SEMA5B: variants seen among roughly 807,000 people sequenced by gnomAD.
SEMA5B encodes semaphorin-5B.
In SEMA5B, 66 loss-of-function variants were observed where a neutral mutation model predicts 135.0. The ratio of observed to expected loss-of-function variants is 0.49; its 90% CI spans 0.40 to 0.60. SEMA5B has a LOEUF of 0.60. SEMA5B is among the 20% of genes least tolerant of loss of function. SEMA5B has a pLI of 0.00. For synonymous variants in SEMA5B, 690 were observed against 639.5 expected (o/e 1.08, Z -1.19); for missense variants, 1,501 against 1,566.3 (o/e 0.96, Z 0.70).
chr3:122,948,242 A>T (rs1283266386), intron 3 of SEMA5B, among the ~76,000 whole-genome samples: 1 of 151,882 alleles, frequency 6.6e-6, no homozygotes, highest in Non-Finnish European at 1.5e-5. Context: ...CTAGCAAAAG[A>T]CTCCCCTTAC....
At chr3:122,948,760 C>T (rs754390176) in intron 2 of SEMA5B, 51 bp from the exon 3 acceptor site, 1 of 1,442,972 alleles carries the variant, frequency 6.9e-7, no homozygotes, top group Non-Finnish European at 9.4e-7. Flanking sequence ...ACTGGGCCCA[C>T]TTCCCTCAAT....
chr3:122,975,146 A>T (rs1941272163), intron 1 of SEMA5B: 1 of 152,362 alleles, frequency 6.6e-6, no homozygotes, highest in Non-Finnish European at 1.5e-5. Flanking sequence ...CTGCAGGCAG[A>T]CGTGGGCAGC....
At chr3:122,973,703 G>A (rs142272343) in intron 1 of SEMA5B, among the ~76,000 whole-genome samples, 2 of 152,304 alleles carry the variant, frequency 1.3e-5, no homozygotes, top group East Asian at 1.9e-4. Flanking sequence ...TTGGGGGGTT[G>A]TAGATTCCCA....
At chr3:122,991,290 CT>C (rs1219762360) in intron 1 of SEMA5B, among the ~76,000 whole-genome samples, 1 of 152,186 alleles carries the variant, frequency 6.6e-6, no homozygotes, top group Non-Finnish European at 1.5e-5. Context: ...CATGGTTACA[CT>C]TCACTTGGCT....
chr3:122,937,419 A>G (rs1439786348), intron 5 of SEMA5B, among the ~76,000 whole-genome samples: 1 of 152,212 alleles, frequency 6.6e-6, no homozygotes, highest in East Asian at 1.9e-4. Flanking sequence ...GGCACACCCC[A>G]ACCTCTTGCT....
chr3:122,994,840 T>A (rs1941988143), intron 1 of SEMA5B, among the ~76,000 whole-genome samples: 1 of 152,190 alleles, frequency 6.6e-6, no homozygotes, highest in South Asian at 2.1e-4. Flanking sequence ...TTGGATGAAA[T>A]GGGTACTGTG....
At chr3:122,923,578 C>G in intron 10 of SEMA5B, 39 bp downstream of exon 10, 2 of 1,611,742 alleles carry the variant, frequency 1.2e-6, no homozygotes, top group South Asian at 1.1e-5. Flanking sequence ...GGGGGTAAGG[C>G]AGTGTGTGAA....
chr3:122,914,141 G>A lies in SEMA5B; in HGVS notation c.1989-140C>T, dbSNP rs991594187. ...ACATAGAAATATCTTCTCCTAAACA[G>A]GTCATCTCAGGCAGACTCGCTCATC... is the stretch of plus-strand genomic sequence containing the variant. On this transcript the variant is annotated intron_variant, in intron 14 of 22. Coordinates refer to ENST00000357599, the MANE Select transcript of SEMA5B (RefSeq NM_001031702.4). The A allele has an allele frequency of 4.5e-6, 4 of 887,810 alleles. No homozygotes were observed. In the African/African-American group the frequency reaches 6.9e-5, roughly 15 times the overall value. 55.0% of individuals were successfully genotyped at this position (887,810 alleles called of 1,614,324 possible).
chr3:122,913,846 G>A lies in SEMA5B; in HGVS notation c.2132+12C>T, dbSNP rs1937915672. ...TAGTCTGGGACCTCAGAGCAAGCCT[G>A]TTCTCCCTCACCGTTCCTCCCGGCT... On this transcript the variant is annotated intron_variant, in intron 15 of 22. Transcript: ENST00000357599. 1.3e-6 allele frequency: 2 copies of A among 1,594,038 alleles called. No individual in the cohort carries two copies. The highest frequency in any genetic ancestry group is 2.3e-5 in the South Asian group (2 of 87,540).
intron 1 of SEMA5B, among the ~76,000 whole-genome samples, chr3:123,025,111 A>G (rs1942768651): frequency 6.6e-6 from 1 of 152,212 alleles, no homozygotes; most frequent in South Asian, 2.1e-4. Flanking sequence ...GGGAGGTAGC[A>G]ATCTACAGTG....
intron 12 of SEMA5B, among the ~76,000 whole-genome samples, chr3:122,916,924 C>A (rs1361313169): frequency 3.3e-5 from 5 of 152,206 alleles, no homozygotes; most frequent in African/African-American, 1.2e-4. Flanking sequence ...CTGATGCATG[C>A]CCCAAATGCC....
At chr3:122,942,730 G>A (rs1272924118) in intron 4 of SEMA5B, among the ~76,000 whole-genome samples, 1 of 152,216 alleles carries the variant, frequency 6.6e-6, no homozygotes, top group African/African-American at 2.4e-5. Context: ...CCTCTTCCCA[G>A]AGTTTCTGAC....
intron 1 of SEMA5B, among the ~76,000 whole-genome samples, chr3:122,978,313 C>A (rs1941404066): frequency 6.6e-6 from 1 of 152,180 alleles, no homozygotes; most frequent in Admixed American, 6.5e-5. Flanking sequence ...AGTCGGTTGC[C>A]CCTGAAAAGA....
At chr3:122,936,537 A>G (rs1279332673) in intron 5 of SEMA5B, among the ~76,000 whole-genome samples, 1 of 152,150 alleles carries the variant, frequency 6.6e-6, no homozygotes, top group Non-Finnish European at 1.5e-5. Flanking sequence ...GCCTCGCAGG[A>G]TATCTGGCAA....
intron 9 of SEMA5B, 54 bp from the exon 10 acceptor site, chr3:122,923,806 C>A: frequency 6.2e-7 from 1 of 1,602,210 alleles, no homozygotes; most frequent in Non-Finnish European, 8.5e-7. Flanking sequence ...CTGGCACCCT[C>A]CTCATAAACC....
intron 1 of SEMA5B, among the ~76,000 whole-genome samples, chr3:123,003,439 A>T (rs963266401): frequency 1.6e-5 from 2 of 126,046 alleles, no homozygotes; most frequent in Non-Finnish European, 3.3e-5. Context: ...CTTTAGAGAT[A>T]AAAAAAAAAA....
At chr3:123,004,553 T>C (rs567320064) in intron 1 of SEMA5B, among the ~76,000 whole-genome samples, 1 of 152,202 alleles carries the variant, frequency 6.6e-6, no homozygotes, top group Admixed American at 6.5e-5. Flanking sequence ...ACACAATGGC[T>C]AACAATGTAA....
Position 122,910,911 on chromosome 3 carries a change from T to C in SEMA5B, c.3226A>G (p.Thr1076Ala). The change falls in exon 22 of 23, where the codon ACC becomes GCC. Residue 1076 changes from threonine (T) to alanine (A), a missense_variant. Physicochemically the swap from Thr to Ala is moderately conservative, Grantham distance 58. Around this residue, in one of 2 missense-constraint regions of SEMA5B, gnomAD observed 927 missense variants for 881.6 expected, o/e 1.05. Coordinates refer to ENST00000357599, the MANE Select transcript of SEMA5B (RefSeq NM_001031702.4). ...CCCTTGTAGTGCAAATGGTTGGGGG[T>C]GGCAGGATGGACCAGTGTGGACTCC... ...SQESTLVHPA[T>A]PNHLHYKGGG... 6.2e-7 allele frequency: 1 copy of C among 1,610,402 alleles called. No individual in the cohort carries two copies. Among genetic ancestry groups the C allele is most frequent in the Non-Finnish European group, 8.5e-7 (1 of 1,179,408 alleles).
chr3:123,020,535 G>A (rs11705714), intron 1 of SEMA5B, among the ~76,000 whole-genome samples: 3,679 of 152,320 alleles, frequency 0.024, 60 homozygotes, highest in Non-Finnish European at 0.038. Context: ...GATGCCAGGA[G>A]CTATAGCTGG....
Sources: gnomAD v4.1 joint callset for allele counts (sites outside exome capture counted in the v4.1 genomes callset) on GRCh38, gnomAD v4.1.1 for gene constraint, gnomAD v4.1.1 regional missense constraint, MANE v1.5 for transcripts, NCBI Gene and HGNC (gene_info 2026-07-23, HGNC 2026-07-21) for gene names.